PMS1: variants seen among roughly 807,000 people sequenced by gnomAD.
The protein encoded by PMS1 is PMS1 homolog 1, mismatch repair system component.
Under a neutral mutation model 93.1 loss-of-function variants are expected in PMS1, and 79 were observed. The ratio of observed to expected loss-of-function variants is 0.85; its 90% CI spans 0.71 to 1.02. PMS1 has a LOEUF of 1.02. PMS1 is among the 50% of genes least tolerant of loss of function. The probability of loss-of-function intolerance (pLI) is 0.00; values close to 1 mark genes in which losing one functional copy is unlikely to be tolerated. For synonymous variants in PMS1, 335 were observed against 363.4 expected (o/e 0.92, Z 0.89); for missense variants, 1,064 against 1,085.3 (o/e 0.98, Z 0.28).
rs576285895 is a variant in PMS1 at position 189,844,503 on chromosome 2, G to T, written c.699+423G>T. Among the ~76,000 whole-genome samples the T allele has an allele frequency of 4.5e-4, 68 of 152,034 alleles. 2 individuals are homozygous for T. The South Asian group carries it at 0.014, about 31-fold the overall frequency. On this transcript the variant is annotated intron_variant, in intron 6 of 12. Coordinates refer to ENST00000441310, the MANE Select transcript of PMS1 (RefSeq NM_000534.5). ...TACTAAAAATACAAAAATTAGCCAG[G>T]TGTGGTGGCACATGCCTGTAATCCC...
intron 5 of PMS1, among the ~76,000 whole-genome samples, chr2:189,821,578 G>T (rs1012863682): frequency 1.3e-5 from 2 of 152,206 alleles, no homozygotes; most frequent in Non-Finnish European, 2.9e-5. Context: ...GGAGGCCGAG[G>T]TGGGTGGATC....
intron 2 of PMS1, among the ~76,000 whole-genome samples, 166 bp downstream of exon 2, chr2:189,792,107 TTTAAA>T (rs1413991714): frequency 1.3e-5 from 2 of 152,246 alleles, no homozygotes; most frequent in Non-Finnish European, 2.9e-5. Flanking sequence ...TAAATTTTAA[TTTAAA>T]TTAACATTAT....
chr2:189,832,657 G>A (rs529624251), intron 5 of PMS1, among the ~76,000 whole-genome samples: 16 of 152,208 alleles, frequency 1.1e-4, no homozygotes, highest in East Asian at 1.9e-4. Flanking sequence ...AGTAGAGACC[G>A]GGTTTCACTG....
chr2:189,858,948 CT>C (rs1370454875), intron 9 of PMS1, among the ~76,000 whole-genome samples: 1 of 152,066 alleles, frequency 6.6e-6, no homozygotes, highest in African/African-American at 2.4e-5. Context: ...TTAAATCTCA[CT>C]TTTAACAGCA....
At chr2:189,864,811 G>A (rs1430137893) in intron 10 of PMS1, among the ~76,000 whole-genome samples, 9 of 138,110 alleles carry the variant, frequency 6.5e-5, no homozygotes, top group African/African-American at 1.3e-4. Flanking sequence ...CATTTAATAA[G>A]TATGAAGCTC....
At chr2:189,812,913 A>T (rs1208921318) in intron 4 of PMS1, among the ~76,000 whole-genome samples, 1 of 152,238 alleles carries the variant, frequency 6.6e-6, no homozygotes, top group Non-Finnish European at 1.5e-5. Flanking sequence ...CTTTTATATC[A>T]TACCAGGTAG....
intron 10 of PMS1, among the ~76,000 whole-genome samples, chr2:189,865,449 C>G (rs1362560761): frequency 1.3e-5 from 2 of 152,112 alleles, no homozygotes; most frequent in African/African-American, 4.8e-5. Flanking sequence ...AATAGGTTGG[C>G]TATATGCTTC....
chr2:189,868,818 G>A (rs1395615135), intron 11 of PMS1, among the ~76,000 whole-genome samples: 1 of 152,138 alleles, frequency 6.6e-6, no homozygotes, highest in Non-Finnish European at 1.5e-5. Context: ...TGATTTTTGT[G>A]ATTTTTAAGG....
chr2:189,803,964 G>A (rs747306463), intron 3 of PMS1, among the ~76,000 whole-genome samples: 13 of 151,964 alleles, frequency 8.6e-5, no homozygotes, highest in African/African-American at 2.9e-4. Flanking sequence ...CAGTTTCTTC[G>A]TCTAGACTGG....
chr2:189,815,351 C>T (rs2051201257), intron 4 of PMS1, among the ~76,000 whole-genome samples: 1 of 152,102 alleles, frequency 6.6e-6, no homozygotes, highest in Non-Finnish European at 1.5e-5. Flanking sequence ...TGTGTCCCCA[C>T]CCAAATCTCA....
At position 189,818,153 on chromosome 2, in the gene PMS1, C is replaced by A; in HGVS notation, c.555C>A (p.Asp185Glu). The A allele has an allele frequency of 6.2e-7, 1 of 1,601,506 alleles. No homozygotes were observed. Among genetic ancestry groups the A allele is most frequent in the Non-Finnish European group, 8.6e-7 (1 of 1,169,252 alleles). The change falls in exon 5 of 13, where the codon GAC becomes GAA. Residue 185 changes from aspartate to glutamate, a missense_variant. Transcript: ENST00000441310. ...TGAGCTTTGGTATCCTTAAACCTGA[C>A]TTAAGGATTGTCTTTGTACATAACA... ...LLMSFGILKP[D>E]LRIVFVHNKA...
rs760566355 is a variant in PMS1, at chr2:189,853,979, C to A, written c.863C>A (p.Ser288Tyr). ...HHYNLKCLKE[S>Y]TRLYPVFFLK... is the part of the protein sequence containing the mutation. ...TACAATCTGAAATGCCTAAAGGAAT[C>A]TACTCGTTTGTATCCTGTTTTCTTT... Residue 288 changes from serine to tyrosine, a missense_variant, in exon 8 of 13, where the codon TCT becomes TAT. Physicochemically the swap from Ser to Tyr is moderately radical, Grantham distance 144. Transcript: ENST00000441310. The A allele has an allele frequency of 6.2e-7, 1 of 1,605,144 alleles. No individual in the cohort carries two copies. Among genetic ancestry groups the A allele is most frequent in the East Asian group, 2.2e-5 (1 of 44,530 alleles).
chr2:189,788,988 G>C (rs2048610241), intron 1 of PMS1, among the ~76,000 whole-genome samples: 2 of 152,118 alleles, frequency 1.3e-5, no homozygotes, highest in Admixed American at 1.3e-4. Flanking sequence ...ATAGTCCACT[G>C]TTTCCCTGCT....
intron 4 of PMS1, chr2:189,806,241 G>T: frequency 3.9e-6 from 1 of 256,590 alleles, no homozygotes; most frequent in South Asian, 8.4e-5. Flanking sequence ...TCAATTCATT[G>T]CTAAAGTTCT....
Position 189,860,800 on chromosome 2 carries a change from A to ATTTTTTTTTTTTTTTT in PMS1, c.1857-2919_1857-2904dup, listed in dbSNP as rs1158514130. On this transcript the variant is annotated intron_variant, in intron 9 of 12. Coordinates refer to ENST00000441310, the MANE Select transcript of PMS1 (RefSeq NM_000534.5). ...CTAAAATCTTCTATATCTTTGAGGAATTTTTTTTTTTTTTTTTTTTTTTTT... is the reference window on the plus strand; with the variant it reads ...CTAAAATCTTCTATATCTTTGAGGAATTTTTTTTTTTTTTTTTTTTTTTTTTTTTTTTTTTTTTTTT... Among the ~76,000 whole-genome samples, 2 of 40,994 alleles carry ATTTTTTTTTTTTTTTT rather than the reference A, an allele frequency of 4.9e-5. 1 individual carries two copies. The highest frequency in any genetic ancestry group is 1.7e-4 in the African/African-American group (2 of 11,668). 26.9% of individuals were successfully genotyped at this position (40,994 alleles called of 152,430 possible).
chr2:189,804,240 A>G (rs1209900331), intron 3 of PMS1, among the ~76,000 whole-genome samples: 1 of 152,152 alleles, frequency 6.6e-6, no homozygotes, highest in Non-Finnish European at 1.5e-5. Context: ...GAGAAATAGA[A>G]TTCAGTTGAC....
At chr2:189,821,551 G>A (rs922995225) in intron 5 of PMS1, among the ~76,000 whole-genome samples, 1 of 152,110 alleles carries the variant, frequency 6.6e-6, no homozygotes, top group African/African-American at 2.4e-5. Context: ...GCTCACACCT[G>A]TAATCCCAGC....
chr2:189,798,722 A>AT (rs796962677), intron 3 of PMS1, among the ~76,000 whole-genome samples: 2,700 of 114,780 alleles, frequency 0.024, 79 homozygotes, highest in African/African-American at 0.079. Context: ...TCTAGAAGTC[A>AT]TTTTTTTTTT....
intron 6 of PMS1, among the ~76,000 whole-genome samples, chr2:189,849,778 G>T (rs1281448295): frequency 6.6e-6 from 1 of 151,682 alleles, no homozygotes; most frequent in African/African-American, 2.4e-5. Context: ...AGCCAGTTTG[G>T]CTCAGCCTTG....
Sources: gnomAD v4.1 joint callset for allele counts (sites outside exome capture counted in the v4.1 genomes callset) on GRCh38, gnomAD v4.1.1 for gene constraint, MANE v1.5 for transcripts, NCBI Gene and HGNC (gene_info 2026-07-23, HGNC 2026-07-21) for gene names.